The following FGD5 variants were observed in gnomAD, a reference collection of about 807,000 sequenced individuals.
The protein encoded by FGD5 is FYVE, RhoGEF and PH domain-containing protein 5.
Under a neutral mutation model 133.4 loss-of-function variants are expected in FGD5, and 28 were observed. The observed-to-expected ratio is 0.21, with a 90% CI of 0.16 to 0.29. The LOEUF is 0.29. FGD5 is among the 10% of genes least tolerant of loss of function. The pLI, the probability that FGD5 is intolerant of heterozygous loss-of-function variation, is 1.00. For missense variants in FGD5, 1,858 were observed against 1,895.2 expected, an observed-to-expected ratio of 0.98 and a Z score of 0.36; for synonymous variants, 810 against 776.5, an observed-to-expected ratio of 1.04 and a Z score of -0.72.
In FGD5 at chr3:14,922,947, G is replaced by A; in HGVS notation, c.3808-99G>A. 1 of 1,533,754 alleles carries A rather than the reference G, an allele frequency of 6.5e-7. No individual in the cohort carries two copies. The highest frequency in any genetic ancestry group is 2.3e-5 in the East Asian group (1 of 44,208). ...GATCAGAACCTGGGGCTCCCTAGGG[G>A]CAGTTGTGGGTGGATTAGCAGAGGG... On this transcript the variant is annotated intron_variant, in intron 15 of 19. Transcript: ENST00000285046. The surrounding 1 kb of genome is among the most constrained non-coding windows in gnomAD (Gnocchi z 4.1).
chr3:14,864,236 A>G lies in FGD5; in HGVS notation c.2634A>G (p.Ser878=). 1.9e-6 allele frequency: 3 copies of G among 1,613,988 alleles called. No individual in the cohort carries two copies. Among genetic ancestry groups the G allele is most frequent in the Non-Finnish European group, 2.5e-6 (3 of 1,179,874 alleles). The stretch of plus-strand genomic sequence containing the variant: ...GCTCGGAGGAGGAGGACAGTGCTTC[A>G]AGAGACCCCAGTGTCACCCACAAGG... ...QRSSEEEDSA[S]RDPSVTHKVE... The change falls in exon 2 of 20, where the codon TCA becomes TCG. Residue 878 remains serine (S), a synonymous_variant. Transcript: ENST00000285046.
At chr3:14,811,661 G>C (rs1387699425) in intron 1 of FGD5, among the ~76,000 whole-genome samples, 1 of 152,236 alleles carries the variant, frequency 6.6e-6, no homozygotes, top group East Asian at 1.9e-4. Flanking sequence ...AAATGTGTTT[G>C]AAATCGCAGG....
At chr3:14,919,540 C>T (rs1416574417) in intron 13 of FGD5, among the ~76,000 whole-genome samples, 2 of 152,172 alleles carry the variant, frequency 1.3e-5, no homozygotes, top group Middle Eastern at 3.2e-3. Context: ...ATGGCGTGAA[C>T]CGGGGAGGTG....
intron 1 of FGD5, among the ~76,000 whole-genome samples, chr3:14,841,203 G>C (rs932011665): frequency 6.6e-6 from 1 of 152,218 alleles, no homozygotes; most frequent in African/African-American, 2.4e-5. Context: ...CTGCAGAGGG[G>C]CTGCCTGGCC....
chr3:14,858,884 T>A (rs574880386), intron 1 of FGD5, among the ~76,000 whole-genome samples: 12 of 152,356 alleles, frequency 7.9e-5, no homozygotes, highest in African/African-American at 2.9e-4. Flanking sequence ...TTGCCCTGTG[T>A]ATAATCAACC....
chr3:14,919,448 C>T (rs1012084409), intron 13 of FGD5, among the ~76,000 whole-genome samples: 2 of 152,108 alleles, frequency 1.3e-5, no homozygotes, highest in Admixed American at 6.5e-5. Flanking sequence ...GAAACCCCGT[C>T]TCTACTAAAA....
chr3:14,933,249 A>C lies in FGD5; in HGVS notation c.*82A>C. 410 of 1,486,980 alleles carry C rather than the reference A, an allele frequency of 2.8e-4. No homozygotes were observed. Among genetic ancestry groups the C allele is most frequent in the Non-Finnish European group, 3.5e-4 (375 of 1,080,496 alleles). 92.1% of individuals were successfully genotyped at this position (1,486,980 alleles called of 1,614,324 possible). ...TAGAAGCTAAGCTGTGGCTCAACTC[A>C]TCCGGACACACACCTGGATTCAGCA... On this transcript the variant is annotated 3_prime_UTR_variant, in exon 20 of 20. Coordinates refer to ENST00000285046, the MANE Select transcript of FGD5 (RefSeq NM_152536.4).
Position 14,864,191 on chromosome 3 carries a change from G to T in FGD5, c.2589G>T (p.Thr863=). 1 of 1,613,972 alleles carries T rather than the reference G, an allele frequency of 6.2e-7. No individual in the cohort carries two copies. The highest frequency in any genetic ancestry group is 8.5e-7 in the Non-Finnish European group (1 of 1,179,892). ...CGGCAGCCCCCAAAGAGGACCTTAC[G>T]TCGGATGAAGAGCAGAGAAGCTCGG... is the stretch of plus-strand genomic sequence containing the variant. ...ISSAAPKEDL[T]SDEEQRSSEE... The change falls in exon 2 of 20, where the codon ACG becomes ACT. Residue 863 remains threonine (T), a synonymous_variant. Transcript: ENST00000285046.
chr3:14,821,762 A>G (rs2036509025), intron 1 of FGD5, 166 bp downstream of exon 1: 3 of 1,001,158 alleles, frequency 3.0e-6, no homozygotes, highest in South Asian at 2.0e-5. Flanking sequence ...CGGTTACTTC[A>G]TCCGTGAAAT....
intron 2 of FGD5, among the ~76,000 whole-genome samples, chr3:14,873,766 G>C (rs1209126615): frequency 6.7e-6 from 1 of 150,300 alleles, no homozygotes; most frequent in African/African-American, 2.5e-5. Flanking sequence ...CTGTCACCCA[G>C]GCTGGAGTGT....
At position 14,819,568 on chromosome 3, in the gene FGD5, A is replaced by G; in HGVS notation, c.497A>G (p.Glu166Gly). Residue 166 changes from glutamate to glycine, a missense_variant, in exon 1 of 20, where the codon GAA becomes GGA. By Grantham distance (98) the Glu-to-Gly change is moderately conservative. Around this residue, in one of 3 missense-constraint regions of FGD5, gnomAD observed 1,824 missense variants for 1,848.9 expected, o/e 0.99. Coordinates refer to ENST00000285046, the MANE Select transcript of FGD5 (RefSeq NM_152536.4). This position sits in a 1 kb window ranked among gnomAD's most constrained non-coding sequence, Gnocchi z 4.1. ...GAGCAGGTGTCCAGAAGTGAGGAGG[A>G]AGAGAAGCTAGTGCAGCCACACAGG... ...TLEQVSRSEEEEKLVQPHREC... is the reference protein window; with the variant it reads ...TLEQVSRSEEGEKLVQPHREC... 1 of 1,551,304 alleles carries G rather than the reference A, an allele frequency of 6.4e-7. No individual in the cohort carries two copies. The highest frequency in any genetic ancestry group is 8.7e-7 in the Non-Finnish European group (1 of 1,146,940).
chr3:14,878,568 A>C (rs1422138600), intron 2 of FGD5, among the ~76,000 whole-genome samples: 1 of 152,152 alleles, frequency 6.6e-6, no homozygotes, highest in East Asian at 1.9e-4. Context: ...TTCTCTATAT[A>C]GACACTCATC....
chr3:14,825,100 C>T (rs1342927330), intron 1 of FGD5, among the ~76,000 whole-genome samples: 2 of 152,146 alleles, frequency 1.3e-5, no homozygotes, highest in African/African-American at 4.8e-5. Flanking sequence ...TCAGAGAGCC[C>T]TTAGCGACCC....
chr3:14,822,692 C>G (rs1390560071), intron 1 of FGD5, among the ~76,000 whole-genome samples: 3 of 152,092 alleles, frequency 2.0e-5, no homozygotes, highest in Admixed American at 6.6e-5. Flanking sequence ...TGCCCTGAAC[C>G]ATCCTCATTG....
intron 13 of FGD5, among the ~76,000 whole-genome samples, chr3:14,919,643 A>C (rs936022308): frequency 1.3e-5 from 2 of 152,068 alleles, no homozygotes; most frequent in African/African-American, 2.4e-5. Context: ...ACAAAAACAA[A>C]AATACCATAA....
intron 18 of FGD5, 141 bp downstream of exon 18, chr3:14,926,339 C>T: frequency 1.9e-6 from 2 of 1,049,970 alleles, no homozygotes; most frequent in Non-Finnish European, 2.8e-6. Context: ...CTTTAGTGAG[C>T]AATGCCATGT....
At chr3:14,841,819 CAA>C (rs1045263669) in intron 1 of FGD5, among the ~76,000 whole-genome samples, 2 of 152,172 alleles carry the variant, frequency 1.3e-5, no homozygotes, top group African/African-American at 4.8e-5. Context: ...CTCACTCCCT[CAA>C]GAGTGCTTGC....
chr3:14,840,993 A>C (rs1297411468), intron 1 of FGD5, among the ~76,000 whole-genome samples: 2 of 152,212 alleles, frequency 1.3e-5, no homozygotes, highest in Non-Finnish European at 2.9e-5. Flanking sequence ...GGTGACTGCA[A>C]ATACTCCATT....
chr3:14,815,811 G>A (rs927767984), upstream of FGD5, among the ~76,000 whole-genome samples: 1 of 152,202 alleles, frequency 6.6e-6, no homozygotes, highest in Non-Finnish European at 1.5e-5. Context: ...AGAGGGTCAG[G>A]TGACAACACT....
Sources: allele counts gnomAD v4.1 joint callset (sites outside exome capture counted in the v4.1 genomes callset), GRCh38; gene constraint gnomAD v4.1.1; regional missense constraint gnomAD v4.1.1; non-coding constraint Gnocchi (gnomAD v3.1); transcripts MANE v1.5; gene names NCBI Gene and HGNC (gene_info 2026-07-23, HGNC 2026-07-21).